VAV3: variants seen among roughly 807,000 people sequenced by gnomAD.
The protein encoded by VAV3 is vav guanine nucleotide exchange factor 3.
A neutral mutation model predicts 131.2 loss-of-function variants in VAV3; 94 were observed. The ratio of observed to expected loss-of-function variants is 0.72; its 90% confidence interval spans 0.61 to 0.85. VAV3 has a LOEUF of 0.85. Among genes scored for constraint, VAV3 ranks in the 40% least tolerant of loss-of-function variants. VAV3 has a pLI of 0.00. For missense variants in VAV3, 939 were observed against 1,002.7 expected (o/e 0.94, Z 0.86); for synonymous variants, 349 against 342.0 (o/e 1.02, Z -0.22).
At chr1:107,833,634 C>A (rs368304749) in intron 2 of VAV3, among the ~76,000 whole-genome samples, 1 of 152,064 alleles carries the variant, frequency 6.6e-6, no homozygotes, top group Admixed American at 6.6e-5. Flanking sequence ...AAAGTTCATA[C>A]TCTTTTTCAA....
Position 107,776,750 on chromosome 1 carries a change from C to T in VAV3, c.446+481G>A, listed in dbSNP as rs115507372. On this transcript the variant is annotated intron_variant, in intron 4 of 26. Transcript: ENST00000370056. ...AGTCACTCAATCAGCAGAAGATAAT[C>T]GGCTGCAAGGACCTTTTGCCTCTCT... is the stretch of plus-strand genomic sequence containing the variant. Among the ~76,000 whole-genome samples the T allele has an allele frequency of 4.2e-3, 641 of 152,266 alleles. 4 individuals carry two copies. The highest frequency in any genetic ancestry group is 0.015 in the African/African-American group (615 of 41,564).
intron 21 of VAV3, among the ~76,000 whole-genome samples, chr1:107,614,941 T>A (rs991461947): frequency 6.6e-6 from 1 of 152,098 alleles, no homozygotes; most frequent in Non-Finnish European, 1.5e-5. Context: ...ATGTATAATA[T>A]CCTGCCACCT....
intron 12 of VAV3, among the ~76,000 whole-genome samples, chr1:107,754,514 CA>C (rs1478776842): frequency 6.6e-6 from 1 of 152,230 alleles, no homozygotes; most frequent in Non-Finnish European, 1.5e-5. Context: ...ACCACTTCAA[CA>C]GCTTGCTGGC....
At chr1:107,955,667 A>G (rs1385689835) in intron 1 of VAV3, among the ~76,000 whole-genome samples, 1 of 152,136 alleles carries the variant, frequency 6.6e-6, no homozygotes, top group Admixed American at 6.6e-5. Flanking sequence ...TGAAAAAGGG[A>G]ACTTCAAGCA....
intron 12 of VAV3, among the ~76,000 whole-genome samples, chr1:107,753,528 G>GATATACA (rs1663896079): frequency 1.4e-5 from 1 of 73,156 alleles, no homozygotes; most frequent in African/African-American, 4.6e-5. Flanking sequence ...ATATATATAC[G>GATATACA]TATATATATA....
At chr1:107,618,900 T>C (rs1189580055) in intron 20 of VAV3, among the ~76,000 whole-genome samples, 2 of 152,218 alleles carry the variant, frequency 1.3e-5, no homozygotes, top group East Asian at 3.8e-4. Context: ...GGCATTTCTT[T>C]AAAGGTGTTG....
chr1:107,718,677 T>G lies in VAV3; in HGVS notation c.1503-13616A>C, dbSNP rs1661281470. ...AATGCCATCCCCATCCAGCTACCAATGACTTTCTTCACAGAATTGGAAAAT... is the reference window on the plus strand; with the variant it reads ...AATGCCATCCCCATCCAGCTACCAAGGACTTTCTTCACAGAATTGGAAAAT... On this transcript the variant is annotated intron_variant, in intron 15 of 26. Coordinates refer to ENST00000370056, the MANE Select transcript of VAV3 (RefSeq NM_006113.5). Among the ~76,000 whole-genome samples, 4 of 152,138 alleles carry G rather than the reference T, an allele frequency of 2.6e-5. 1 individual carries two copies. In the South Asian group the frequency reaches 8.3e-4, roughly 32 times the overall value.
chr1:107,675,139 G>A (rs1658100672), intron 19 of VAV3, among the ~76,000 whole-genome samples: 1 of 152,160 alleles, frequency 6.6e-6, no homozygotes, highest in Admixed American at 6.5e-5. Context: ...CTAGATTTCT[G>A]ATTCACAGAA....
At chr1:107,813,967 A>AGTGTGTGT (rs58318688) in intron 2 of VAV3, among the ~76,000 whole-genome samples, 5,775 of 135,720 alleles carry the variant, frequency 0.043, 140 homozygotes, top group South Asian at 0.065. Flanking sequence ...ATAGTACTCC[A>AGTGTGTGT]GTGTGTGTGT....
intron 17 of VAV3, among the ~76,000 whole-genome samples, chr1:107,696,134 T>C (rs1659731750): frequency 6.6e-6 from 1 of 152,220 alleles, no homozygotes; most frequent in African/African-American, 2.4e-5. Flanking sequence ...TAATCAATGA[T>C]ATCTGTATAA....
chr1:107,689,505 TCTAG>T (rs1659272223), intron 17 of VAV3, among the ~76,000 whole-genome samples: 2 of 151,780 alleles, frequency 1.3e-5, no homozygotes, highest in African/African-American at 4.8e-5. Flanking sequence ...TTCTTTTCTC[TCTAG>T]CTTTTTTTTT....
chr1:107,753,549 T>TATATATATATATATATACACACACACAC (rs771773884), intron 12 of VAV3, among the ~76,000 whole-genome samples: 3 of 82,054 alleles, frequency 3.7e-5, no homozygotes, highest in African/African-American at 9.2e-5. Flanking sequence ...TATATATATA[T>TATATATATATATATATACACACACACAC]ACACACACAC....
intron 1 of VAV3, among the ~76,000 whole-genome samples, chr1:107,935,681 G>A (rs1158702167): frequency 6.6e-6 from 1 of 152,128 alleles, no homozygotes; most frequent in Non-Finnish European, 1.5e-5. Flanking sequence ...GGGACAATAG[G>A]GTGCAGTGGT....
intron 1 of VAV3, among the ~76,000 whole-genome samples, chr1:107,936,387 G>A (rs1673710624): frequency 6.6e-6 from 1 of 151,860 alleles, no homozygotes; most frequent in Non-Finnish European, 1.5e-5. Flanking sequence ...GAACCAAAAA[G>A]GTAAATCAGA....
intron 26 of VAV3, 79 bp downstream of exon 26, chr1:107,573,968 C>T: frequency 6.4e-7 from 1 of 1,565,750 alleles, no homozygotes. Context: ...GAGGCTTCTC[C>T]CTGGTGCCAC....
At chr1:107,698,699 T>C (rs1384289476) in intron 17 of VAV3, among the ~76,000 whole-genome samples, 2 of 152,142 alleles carry the variant, frequency 1.3e-5, no homozygotes, top group Non-Finnish European at 2.9e-5. Flanking sequence ...CAGGAAGAAA[T>C]ACCTGAGACT....
intron 25 of VAV3, among the ~76,000 whole-genome samples, chr1:107,594,858 G>T (rs972136953): frequency 6.6e-6 from 1 of 152,036 alleles, no homozygotes; most frequent in Non-Finnish European, 1.5e-5. Context: ...GCTCTCTAGA[G>T]CTAAGTGAAC....
Position 107,704,945 on chromosome 1 carries a change from ACT to A in VAV3, c.1604+13_1604+14del. 6.2e-7 allele frequency: 1 copy of A among 1,608,204 alleles called. No homozygotes were observed. On this transcript the variant is annotated intron_variant, in intron 16 of 26. Coordinates refer to ENST00000370056, the MANE Select transcript of VAV3 (RefSeq NM_006113.5). Reference sequence around the variant, plus strand: ...CAGTTCCTTTAAACTGAAAACCAGGACTGAGCAGGCTTACCTCAGGAGCATCT... The same window carrying A: ...CAGTTCCTTTAAACTGAAAACCAGGAGAGCAGGCTTACCTCAGGAGCATCT...
chr1:107,964,853 T>C lies in VAV3; in HGVS notation c.17A>G (p.Gln6Arg). The part of the protein sequence containing the change: MEPWK[Q>R]CAQWLIHCKV... ...GCAATGGATGAGCCACTGCGCGCACTGCTTCCACGGCTCCATGCCCGACGG... is the reference window on the plus strand; with the variant it reads ...GCAATGGATGAGCCACTGCGCGCACCGCTTCCACGGCTCCATGCCCGACGG... Residue 6 changes from glutamine to arginine, a missense_variant, in exon 1 of 27, where the codon CAG becomes CGG. Coordinates refer to ENST00000370056, the MANE Select transcript of VAV3 (RefSeq NM_006113.5). 6.2e-7 allele frequency: 1 copy of C among 1,606,272 alleles called. No homozygotes were observed. The highest frequency in any genetic ancestry group is 8.5e-7 in the Non-Finnish European group (1 of 1,176,354).
Sources: gnomAD v4.1 joint callset for allele counts (sites outside exome capture counted in the v4.1 genomes callset) on GRCh38, gnomAD v4.1.1 for gene constraint, MANE v1.5 for transcripts, NCBI Gene and HGNC (gene_info 2026-07-23, HGNC 2026-07-21) for gene names.